The following NAV2 variants were observed in gnomAD, a reference collection of about 807,000 sequenced individuals.
NAV2 encodes helicase, APC down-regulated 1.
Under a neutral mutation model 223.2 loss-of-function variants are expected in NAV2, and 54 were observed. The ratio of observed to expected loss-of-function variants is 0.24; its 90% CI spans 0.19 to 0.30. The LOEUF is 0.30. NAV2 is among the 10% of genes least tolerant of loss of function. The pLI is 1.00. For synonymous variants in NAV2, 1,279 were observed against 1,239.3 expected, an observed-to-expected ratio of 1.03 and a Z score of -0.67; for missense variants, 2,806 against 3,147.5, an observed-to-expected ratio of 0.89 and a Z score of 2.60.
chr11:19,859,137 CTTTTTTTTTT>C (rs569446282), intron 3 of NAV2, among the ~76,000 whole-genome samples: 7 of 107,108 alleles, frequency 6.5e-5, no homozygotes, highest in South Asian at 4.3e-4. Flanking sequence ...ATCATATTCT[CTTTTTTTTTT>C]TTTTTTTTTT....
intron 1 of NAV2, among the ~76,000 whole-genome samples, chr11:19,438,302 A>G (rs961447719): frequency 2.0e-5 from 3 of 152,220 alleles, no homozygotes; most frequent in Non-Finnish European, 4.4e-5. Flanking sequence ...GCTTCCGAAG[A>G]TTAAGTAGCA....
At chr11:19,487,105 G>A (rs2042469238) in intron 1 of NAV2, among the ~76,000 whole-genome samples, 1 of 152,184 alleles carries the variant, frequency 6.6e-6, no homozygotes, top group Admixed American at 6.5e-5. Context: ...TCTTTATCTA[G>A]AAAATACCTA....
chr11:19,933,402 C>T lies in NAV2; in HGVS notation c.1158C>T (p.Pro386=), dbSNP rs199882898. The T allele has an allele frequency of 3.2e-6, 5 of 1,581,480 alleles. No individual in the cohort carries two copies. In the East Asian group the frequency reaches 1.1e-4, roughly 36 times the overall value. ...CTCCTGGGCCTGAGGCCCCCAGGCCCACACCTGAAGCCATGAAGCCGGCCC... is the reference window on the plus strand; with the variant it reads ...CTCCTGGGCCTGAGGCCCCCAGGCCTACACCTGAAGCCATGAAGCCGGCCC... ...VKPPGPEAPR[P]TPEAMKPAPN... The change falls in exon 7 of 38, where the codon CCC becomes CCT. Residue 386 remains proline, a synonymous_variant. Coordinates refer to ENST00000349880, the MANE Select transcript of NAV2 (RefSeq NM_145117.5). The surrounding 1 kb of genome is among the most constrained non-coding windows in gnomAD (Gnocchi z 4.3).
chr11:19,849,627 G>T (rs1219828073), intron 3 of NAV2, among the ~76,000 whole-genome samples: 1 of 152,222 alleles, frequency 6.6e-6, no homozygotes, highest in African/African-American at 2.4e-5. Context: ...CCGGCCACAT[G>T]CCTGGGGAGT....
chr11:19,540,689 CT>C (rs573296457), intron 1 of NAV2, among the ~76,000 whole-genome samples: 117 of 152,352 alleles, frequency 7.7e-4, no homozygotes, highest in African/African-American at 2.8e-3. Flanking sequence ...GCTGCTCCCC[CT>C]GACCCAATCC....
At chr11:19,674,558 A>G (rs1351691452) in intron 1 of NAV2, among the ~76,000 whole-genome samples, 1 of 152,198 alleles carries the variant, frequency 6.6e-6, no homozygotes, top group Non-Finnish European at 1.5e-5. Flanking sequence ...GGCCAGGCTT[A>G]CCTCCTTCAA....
intron 6 of NAV2, among the ~76,000 whole-genome samples, chr11:19,924,671 A>G (rs556281892): frequency 2.6e-5 from 4 of 152,344 alleles, no homozygotes; most frequent in South Asian, 4.1e-4. Flanking sequence ...AATCTCCACC[A>G]TGCATAGAAG....
At chr11:19,781,734 G>A (rs2056763081) in intron 1 of NAV2, among the ~76,000 whole-genome samples, 1 of 149,302 alleles carries the variant, frequency 6.7e-6, no homozygotes, top group South Asian at 2.2e-4. Flanking sequence ...CAGGTGCTGT[G>A]TTTAAAAGAC....
chr11:19,866,597 A>G (rs985439900), intron 3 of NAV2, among the ~76,000 whole-genome samples: 32 of 152,186 alleles, frequency 2.1e-4, no homozygotes, highest in Non-Finnish European at 3.1e-4. Flanking sequence ...ATGATGCTGT[A>G]TGTGTTGAAT....
intron 36 of NAV2, 23 bp from the exon 37 acceptor site, chr11:20,114,567 CTG>C (rs1294647061): frequency 1.2e-6 from 2 of 1,611,940 alleles, no homozygotes; most frequent in African/African-American, 2.7e-5. Flanking sequence ...CACTTCCAGA[CTG>C]TTCCTTCTTT....
At chr11:19,486,293 C>T (rs966558615) in intron 1 of NAV2, among the ~76,000 whole-genome samples, 1 of 152,150 alleles carries the variant, frequency 6.6e-6, no homozygotes, top group African/African-American at 2.4e-5. Flanking sequence ...GCCTCTGAAG[C>T]CACTAGGTGA....
chr11:20,050,778 C>T (rs2057920340), intron 16 of NAV2, among the ~76,000 whole-genome samples: 1 of 152,206 alleles, frequency 6.6e-6, no homozygotes, highest in Admixed American at 6.5e-5. Context: ...GAATTCACTT[C>T]GTTACAGATG....
intron 11 of NAV2, among the ~76,000 whole-genome samples, chr11:20,024,591 T>C (rs2054866138): frequency 6.6e-6 from 1 of 152,244 alleles, no homozygotes; most frequent in Non-Finnish European, 1.5e-5. Context: ...TGAGCTTCTC[T>C]TGGGCTGTAG....
intron 3 of NAV2, among the ~76,000 whole-genome samples, chr11:19,844,244 G>A (rs537477933): frequency 3.9e-5 from 6 of 152,302 alleles, no homozygotes; most frequent in Non-Finnish European, 7.4e-5. Context: ...CAGGCATGCT[G>A]CACATGTAGT....
intron 11 of NAV2, among the ~76,000 whole-genome samples, chr11:20,009,295 C>A (rs1008500333): frequency 1.3e-5 from 2 of 152,006 alleles, no homozygotes; most frequent in African/African-American, 4.8e-5. Flanking sequence ...CAGTTGTGAG[C>A]GTCTAGAGTA....
At chr11:19,822,740 G>A (rs2059444028) in intron 1 of NAV2, among the ~76,000 whole-genome samples, 2 of 152,082 alleles carry the variant, frequency 1.3e-5, no homozygotes, top group South Asian at 2.1e-4. Context: ...GTCCAGACAG[G>A]GATTTATACC....
chr11:19,956,610 A>AGCCAG (rs778823158), intron 10 of NAV2, among the ~76,000 whole-genome samples: 1 of 152,198 alleles, frequency 6.6e-6, no homozygotes, highest in Non-Finnish European at 1.5e-5. Flanking sequence ...ACAGTTGAAC[A>AGCCAG]GCCAGATGAA....
intron 1 of NAV2, among the ~76,000 whole-genome samples, chr11:19,410,988 G>A (rs1850120616): frequency 1.3e-5 from 2 of 152,116 alleles, no homozygotes; most frequent in South Asian, 4.1e-4. Context: ...AGGGACCCTG[G>A]GACACCTCTG....
chr11:19,586,785 C>T (rs1041677158), intron 1 of NAV2, among the ~76,000 whole-genome samples: 1 of 152,198 alleles, frequency 6.6e-6, no homozygotes, highest in Non-Finnish European at 1.5e-5. Flanking sequence ...TCAGTCTGCC[C>T]CTACTGGGGG....
Sources: allele counts gnomAD v4.1 joint callset (sites outside exome capture counted in the v4.1 genomes callset), GRCh38; gene constraint gnomAD v4.1.1; non-coding constraint Gnocchi (gnomAD v3.1); transcripts MANE v1.5; gene names NCBI Gene and HGNC (gene_info 2026-07-23, HGNC 2026-07-21).